The following USP49 variants were observed in gnomAD, a reference collection of about 807,000 sequenced individuals.
The protein encoded by USP49 is ubiquitin specific peptidase 49.
A neutral mutation model predicts 58.6 loss-of-function variants in USP49; 24 were observed. That is an observed-to-expected ratio of 0.41 (90% CI 0.30 to 0.58). The LOEUF is 0.58. Ranked by LOEUF, USP49 falls within the 20% of genes least tolerant of loss-of-function variation. USP49 has a pLI of 0.30. For missense variants in USP49, 703 were observed against 866.1 expected (o/e 0.81, Z 2.36); for synonymous variants, 408 against 365.1 (o/e 1.12, Z -1.34).
At chr6:41,849,428 C>T (rs1773981540) in intron 3 of USP49, among the ~76,000 whole-genome samples, 1 of 152,050 alleles carries the variant, frequency 6.6e-6, no homozygotes. Context: ...AGGACCTGAA[C>T]AACATTATAC....
chr6:41,807,780 A>T (rs796885655), intron 3 of USP49, among the ~76,000 whole-genome samples: 16 of 141,276 alleles, frequency 1.1e-4, no homozygotes, highest in South Asian at 2.3e-4. Context: ...TTTTTTATGT[A>T]TTTTTTTTTT....
chr6:41,891,702 G>A (rs367639765), intron 2 of USP49, 92 bp downstream of exon 2: 1 of 152,148 alleles, frequency 6.6e-6, no homozygotes, highest in Non-Finnish European at 1.5e-5. Context: ...TCCTGATAGA[G>A]AAATTATTAA....
intron 3 of USP49, among the ~76,000 whole-genome samples, chr6:41,834,766 T>C (rs1464810389): frequency 6.6e-6 from 1 of 152,182 alleles, no homozygotes; most frequent in African/African-American, 2.4e-5. Context: ...CTATGCTTCC[T>C]GCAGAATCAT....
At chr6:41,842,534 A>G (rs1388789272) in intron 3 of USP49, among the ~76,000 whole-genome samples, 1 of 152,202 alleles carries the variant, frequency 6.6e-6, no homozygotes, top group Non-Finnish European at 1.5e-5. Context: ...GGCAAATTTA[A>G]TAGGAAATGC....
At position 41,815,211 on chromosome 6, in the gene USP49, C is replaced by A. The variant is rs1189110181; in HGVS notation, c.-28-8200G>T. On this transcript the variant is annotated intron_variant, in intron 3 of 7. Coordinates refer to ENST00000682992, the MANE Select transcript of USP49 (RefSeq NM_001286554.2). Reference sequence around the variant, plus strand: ...CGAGACGGGAGGATCATGAGGTCAGCAGATTGAGACCATCCTGGCTAACAT... The same window carrying A: ...CGAGACGGGAGGATCATGAGGTCAGAAGATTGAGACCATCCTGGCTAACAT... 1.2e-4 allele frequency among the ~76,000 whole-genome samples: 18 copies of A among 152,068 alleles called. No homozygotes were observed. The East Asian group carries it at 3.5e-3, about 29-fold the overall frequency.
intron 3 of USP49, among the ~76,000 whole-genome samples, chr6:41,821,951 A>T (rs541504709): frequency 6.6e-6 from 1 of 152,264 alleles, no homozygotes; most frequent in East Asian, 1.9e-4. Flanking sequence ...TACGAAGCAA[A>T]ATCTGGCCAC....
intron 3 of USP49, among the ~76,000 whole-genome samples, chr6:41,816,491 T>C (rs1161067506): frequency 1.3e-5 from 2 of 152,148 alleles, no homozygotes; most frequent in Non-Finnish European, 2.9e-5. Context: ...TCTCCCTTCC[T>C]TGAAATTTAG....
chr6:41,805,490 T>C, intron 4 of USP49, 138 bp downstream of exon 4: 4 of 909,914 alleles, frequency 4.4e-6, no homozygotes, highest in Non-Finnish European at 4.9e-6. Flanking sequence ...GAATGAAAGG[T>C]ATAATGGCCA....
chr6:41,864,076 C>A (rs1774269668), intron 3 of USP49, among the ~76,000 whole-genome samples: 1 of 151,938 alleles, frequency 6.6e-6, no homozygotes, highest in South Asian at 2.1e-4. Context: ...TAAACCTCAA[C>A]AGAATTTGAT....
chr6:41,892,534 G>C (rs1234818821), intron 1 of USP49, among the ~76,000 whole-genome samples: 1 of 152,126 alleles, frequency 6.6e-6, no homozygotes, highest in Non-Finnish European at 1.5e-5. Context: ...TTGAACACTT[G>C]CTTAATACAA....
chr6:41,885,518 ATCATACC>A (rs1474282352), intron 2 of USP49, among the ~76,000 whole-genome samples: 1 of 152,070 alleles, frequency 6.6e-6, no homozygotes, highest in East Asian at 1.9e-4. Context: ...TCAGCGCACA[ATCATACC>A]TCACTGTAAC....
chr6:41,800,019 A>G (rs1772969208), intron 5 of USP49, 81 bp from the exon 6 acceptor site: 4 of 1,227,498 alleles, frequency 3.3e-6, no homozygotes, highest in Admixed American at 3.6e-5. Flanking sequence ...TTGCCATTCA[A>G]TATGCATTCT....
chr6:41,890,069 ACACT>A (rs1774784771), intron 2 of USP49, among the ~76,000 whole-genome samples: 1 of 152,226 alleles, frequency 6.6e-6, no homozygotes, highest in Admixed American at 6.5e-5. Context: ...CACCTAGTAA[ACACT>A]CAGTAATTGT....
At position 41,790,564 on chromosome 6, in the gene USP49, A is replaced by G. The variant is rs1457706881; in HGVS notation, c.*5969T>C. On this transcript the variant is annotated 3_prime_UTR_variant, in exon 8 of 8. Transcript: ENST00000682992. ...GTGCCAAGTCTCTTATGGAACTAGT[A>G]TGGGATTAAAGGACGTTAATTGGAA... The G allele has an allele frequency of 6.6e-6, 1 of 152,194 alleles. No individual in the cohort carries two copies. The highest frequency in any genetic ancestry group is 1.5e-5 in the Non-Finnish European group (1 of 68,042). 9.4% of individuals were successfully genotyped at this position (152,194 alleles called of 1,614,324 possible). A position where few individuals can be genotyped will look rare whatever the true frequency, so the allele number is the denominator to read the frequency against.
chr6:41,859,529 C>T (rs905574963), intron 3 of USP49, among the ~76,000 whole-genome samples: 1 of 152,118 alleles, frequency 6.6e-6, no homozygotes, highest in African/African-American at 2.4e-5. Flanking sequence ...CTGTAATTGT[C>T]TGTCTGCTTG....
At chr6:41,874,789 C>T (rs1421952281) in intron 2 of USP49, among the ~76,000 whole-genome samples, 1 of 152,026 alleles carries the variant, frequency 6.6e-6, no homozygotes, top group African/African-American at 2.4e-5. Context: ...ACAGGGAGAC[C>T]CTACCTCTAC....
At chr6:41,799,726 G>A in intron 6 of USP49, 104 bp downstream of exon 6, 1 of 992,222 alleles carries the variant, frequency 1.0e-6, no homozygotes, top group Non-Finnish European at 1.6e-6. Flanking sequence ...CAAGTGAACA[G>A]GCTTCCCCTC....
At chr6:41,846,234 T>C (rs1459277643) in intron 3 of USP49, among the ~76,000 whole-genome samples, 1 of 152,054 alleles carries the variant, frequency 6.6e-6, no homozygotes, top group Non-Finnish European at 1.5e-5. Flanking sequence ...GGAGAAGCAC[T>C]TGAACCCGGG....
At chr6:41,829,741 C>A (rs1019584407) in intron 3 of USP49, among the ~76,000 whole-genome samples, 3 of 152,152 alleles carry the variant, frequency 2.0e-5, no homozygotes, top group Non-Finnish European at 4.4e-5. Flanking sequence ...TGATAGTGGG[C>A]ACCATGTACT....
Sources: allele counts gnomAD v4.1 joint callset (sites outside exome capture counted in the v4.1 genomes callset), GRCh38; gene constraint gnomAD v4.1.1; transcripts MANE v1.5; gene names NCBI Gene and HGNC (gene_info 2026-07-23, HGNC 2026-07-21).